The following CFH variants were observed in gnomAD, a reference collection of about 807,000 sequenced individuals.
CFH encodes complement factor H, also known as H factor 1 (complement).
Under a neutral mutation model 147.3 loss-of-function variants are expected in CFH, and 53 were observed. The observed-to-expected ratio is 0.36, with a 90% CI of 0.29 to 0.45. The LOEUF is 0.45. Ranked by LOEUF, CFH falls within the 20% of genes least tolerant of loss-of-function variation. CFH has a pLI of 1.00. For missense variants in CFH, 1,380 were observed against 1,498.0 expected (o/e 0.92, Z 1.30); for synonymous variants, 536 against 489.4 (o/e 1.10, Z -1.26).
chr1:196,672,140 C>T (rs559233930), intron 1 of CFH, among the ~76,000 whole-genome samples: 37 of 152,096 alleles, frequency 2.4e-4, no homozygotes, highest in Non-Finnish European at 1.8e-4. Context: ...TTTCAGAATT[C>T]TTCATGCTAG....
chr1:196,725,327 A>G, intron 12 of CFH, 30 bp downstream of exon 12: 1 of 1,607,432 alleles, frequency 6.2e-7, no homozygotes, highest in South Asian at 1.1e-5. Flanking sequence ...TTGCTGAAAT[A>G]AGAATTAGAA....
At chr1:196,672,804 A>G (rs1220893515) in intron 1 of CFH, among the ~76,000 whole-genome samples, 174 bp from the exon 2 acceptor site, 2 of 152,268 alleles carry the variant, frequency 1.3e-5, no homozygotes, top group East Asian at 3.9e-4. Flanking sequence ...GTTACACTAC[A>G]TGCATGAAAT....
rs779712685 is a variant in CFH, at chr1:196,689,450, A to G, written c.995A>G (p.His332Arg). The part of the protein sequence containing the change: ...LKPCDYPDIK[H>R]GGLYHENMRR... ...CCTTGTGATTATCCAGACATTAAAC[A>G]TGGAGGTCTATATCATGAGAATATG... is the stretch of plus-strand genomic sequence containing the variant. Residue 332 changes from histidine (H) to arginine (R), a missense_variant, in exon 8 of 22, where the codon CAT becomes CGT. His to Arg is a conservative substitution (Grantham distance 29). Around this residue, in one of 4 missense-constraint regions of CFH, gnomAD observed 167 missense variants for 228.0 expected, o/e 0.73. Transcript: ENST00000367429. The G allele has an allele frequency of 2.5e-6, 4 of 1,613,196 alleles. No homozygotes were observed. The highest frequency in any genetic ancestry group is 1.7e-6 in the Non-Finnish European group (2 of 1,179,484).
At chr1:196,655,048 C>T (rs1437018087) in intron 1 of CFH, among the ~76,000 whole-genome samples, 1 of 152,202 alleles carries the variant, frequency 6.6e-6, no homozygotes, top group East Asian at 1.9e-4. Flanking sequence ...ATTAATATTA[C>T]TATAATTTCA....
Position 196,676,037 on chromosome 1 carries a change from A to T in CFH, c.399A>T (p.Gly133=). ...ATTACCGTGAATGTGACACAGATGGATGGACCAATGATATTCCTATATGTG... is the reference window on the plus strand; with the variant it reads ...ATTACCGTGAATGTGACACAGATGGTTGGACCAATGATATTCCTATATGTG... ...EINYRECDTD[G]WTNDIPICEV... The change falls in exon 4 of 22, where the codon GGA becomes GGT. Residue 133 remains glycine, a synonymous_variant. Transcript: ENST00000367429. The T allele has an allele frequency of 6.2e-7, 1 of 1,609,684 alleles. No homozygotes were observed. The highest frequency in any genetic ancestry group is 8.5e-7 in the Non-Finnish European group (1 of 1,176,580).
intron 1 of CFH, among the ~76,000 whole-genome samples, chr1:196,653,361 A>G (rs1666570394): frequency 6.6e-6 from 1 of 151,850 alleles, no homozygotes; most frequent in Admixed American, 6.5e-5. Context: ...TAGTATTTTA[A>G]AATGAAACCT....
rs561193404 is a variant in CFH, at chr1:196,690,333, T to C, written c.1336+94T>C. On this transcript the variant is annotated intron_variant, in intron 9 of 21. Transcript: ENST00000367429. ...CTCATCTATATTAATTGTGGCAAAA[T>C]GTTTATGTCACCTTGTTTTACCAAT... 7.7e-6 allele frequency: 12 copies of C among 1,553,526 alleles called. 1 individual carries two copies. In the South Asian group the frequency reaches 1.2e-4, roughly 16 times the overall value.
At chr1:196,721,036 C>T (rs1668985583) in intron 11 of CFH, among the ~76,000 whole-genome samples, 2 of 151,864 alleles carry the variant, frequency 1.3e-5, no homozygotes, top group South Asian at 2.1e-4. Flanking sequence ...TTTTAATTCG[C>T]ATTTCTCTGA....
chr1:196,703,504 GA>G (rs892921424), intron 9 of CFH, among the ~76,000 whole-genome samples: 4 of 152,302 alleles, frequency 2.6e-5, no homozygotes, highest in Admixed American at 2.0e-4. Context: ...TGGGGCTTGA[GA>G]TCCTGATGAT....
chr1:196,719,888 T>G (rs1668958639), intron 11 of CFH, among the ~76,000 whole-genome samples: 1 of 151,706 alleles, frequency 6.6e-6, no homozygotes, highest in Admixed American at 6.6e-5. Context: ...TTGGTTTGTT[T>G]TCTTTATTTG....
chr1:196,667,247 T>C (rs1055914408), intron 1 of CFH, among the ~76,000 whole-genome samples: 13 of 152,140 alleles, frequency 8.5e-5, no homozygotes. Flanking sequence ...ATTTGCTGAG[T>C]TTCATGGTGT....
At chr1:196,686,221 C>A (rs1236295815) in intron 7 of CFH, among the ~76,000 whole-genome samples, 1 of 152,088 alleles carries the variant, frequency 6.6e-6, no homozygotes, top group Non-Finnish European at 1.5e-5. Flanking sequence ...GACACAGAGC[C>A]AAACCATATC....
chr1:196,713,945 T>G, intron 10 of CFH, 28 bp downstream of exon 10: 6 of 1,591,246 alleles, frequency 3.8e-6, no homozygotes, highest in Non-Finnish European at 5.2e-6. Flanking sequence ...TTTGTATTGA[T>G]TATCCAGATG....
intron 9 of CFH, among the ~76,000 whole-genome samples, chr1:196,711,628 CT>C (rs967905361): frequency 6.6e-6 from 1 of 151,698 alleles, no homozygotes; most frequent in Non-Finnish European, 1.5e-5. Context: ...TATTTTTAAG[CT>C]TTTAAAAAGC....
At chr1:196,662,235 A>T (rs1299380071) in intron 1 of CFH, among the ~76,000 whole-genome samples, 1 of 152,224 alleles carries the variant, frequency 6.6e-6, no homozygotes, top group African/African-American at 2.4e-5. Flanking sequence ...AAGCAAGATG[A>T]CTTATTAAGA....
intron 9 of CFH, among the ~76,000 whole-genome samples, chr1:196,693,470 A>C (rs570993028): frequency 6.6e-6 from 1 of 152,114 alleles, no homozygotes; most frequent in African/African-American, 2.4e-5. Context: ...CAGGCTCCCC[A>C]GTAAATGCCC....
intron 18 of CFH, 159 bp downstream of exon 18, chr1:196,740,951 T>C (rs1652789447): frequency 2.7e-6 from 2 of 745,176 alleles, no homozygotes; most frequent in Admixed American, 4.7e-5. Context: ...AATTAAAACA[T>C]TTGACATTAT....
At position 196,737,622 on chromosome 1, in the gene CFH, G is replaced by A; in HGVS notation, c.2744G>A (p.Cys915Tyr). The A allele has an allele frequency of 6.2e-7, 1 of 1,613,458 alleles. No homozygotes were observed. The highest frequency in any genetic ancestry group is 8.5e-7 in the Non-Finnish European group (1 of 1,179,638). Reference protein sequence around the residue: ...FRISEENETTCYMGKWSSPPQ... With the variant: ...FRISEENETTYYMGKWSSPPQ... ...ATATCTGAAGAAAATGAAACAACAT[G>A]CTACATGGGAAAATGGAGTTCTCCA... Residue 915 changes from cysteine to tyrosine, a missense_variant, in exon 17 of 22, where the codon TGC becomes TAC. Transcript: ENST00000367429.
chr1:196,692,534 T>A (rs1303090127), intron 9 of CFH: 1 of 151,894 alleles, frequency 6.6e-6, no homozygotes, highest in East Asian at 2.3e-4. Context: ...TCCTTTTTCT[T>A]TCTTTCTTTT....
Sources: allele counts gnomAD v4.1 joint callset (sites outside exome capture counted in the v4.1 genomes callset), GRCh38; gene constraint gnomAD v4.1.1; regional missense constraint gnomAD v4.1.1; transcripts MANE v1.5; gene names NCBI Gene and HGNC (gene_info 2026-07-23, HGNC 2026-07-21).